The following CGNL1 variants were observed in gnomAD, a reference collection of about 807,000 sequenced individuals.
The protein encoded by CGNL1 is cingulin like 1, also known as cingulin-like protein 1.
A neutral mutation model predicts 141.2 loss-of-function variants in CGNL1; 132 were observed. The observed-to-expected ratio is 0.93, with a 90% CI of 0.81 to 1.08. CGNL1 has a LOEUF of 1.08. CGNL1 is among the 50% of genes least tolerant of loss of function. The pLI, the probability that CGNL1 is intolerant of heterozygous loss-of-function variation, is 0.00. For synonymous variants in CGNL1, 690 were observed against 622.1 expected (o/e 1.11, Z -1.63); for missense variants, 1,870 against 1,588.6 (o/e 1.18, Z -3.01).
chr15:57,387,582 T>G (rs1296600021), intron 1 of CGNL1, among the ~76,000 whole-genome samples: 1 of 152,204 alleles, frequency 6.6e-6, no homozygotes, highest in African/African-American at 2.4e-5. Context: ...TGAGTGGTGC[T>G]TCATTTCCCC....
intron 1 of CGNL1, among the ~76,000 whole-genome samples, chr15:57,432,191 G>A (rs1272728332): frequency 5.3e-5 from 8 of 152,204 alleles, no homozygotes; most frequent in Non-Finnish European, 1.2e-4. Context: ...CAGCATAAAG[G>A]TGAAGGTTTC....
chr15:57,479,210 C>T lies in CGNL1; in HGVS notation c.2403+17318C>T, dbSNP rs555733987. On this transcript the variant is annotated intron_variant, in intron 8 of 18. Coordinates refer to ENST00000281282, the MANE Select transcript of CGNL1 (RefSeq NM_032866.5). ...TACACGCTCTGTAAACATGCATGTACTTTTGGAGAAGGCAGTTGGACCAAG... is the reference window on the plus strand; with the variant it reads ...TACACGCTCTGTAAACATGCATGTATTTTTGGAGAAGGCAGTTGGACCAAG... Among the ~76,000 whole-genome samples, 333 of 152,192 alleles carry T rather than the reference C, an allele frequency of 2.2e-3. 1 individual carries two copies. Among genetic ancestry groups the T allele is most frequent in the African/African-American group, 7.7e-3 (320 of 41,516 alleles).
At chr15:57,400,857 T>G (rs2062652502) in intron 1 of CGNL1, among the ~76,000 whole-genome samples, 1 of 124,796 alleles carries the variant, frequency 8.0e-6, no homozygotes, top group Admixed American at 1.1e-4. Context: ...CACTCCAGCC[T>G]AGGCGACAGA....
intron 3 of CGNL1, among the ~76,000 whole-genome samples, chr15:57,440,912 G>A (rs2063178400): frequency 6.6e-6 from 1 of 152,054 alleles, no homozygotes; most frequent in South Asian, 2.1e-4. Context: ...TAAAGCATGT[G>A]TGAGTCATTT....
At chr15:57,535,162 G>A (rs192351706) in intron 14 of CGNL1, among the ~76,000 whole-genome samples, 20 of 152,302 alleles carry the variant, frequency 1.3e-4, no homozygotes, top group African/African-American at 4.6e-4. Flanking sequence ...GCAATTGACT[G>A]CAGAGCTGGG....
At chr15:57,499,264 G>A (rs1042877686) in intron 8 of CGNL1, among the ~76,000 whole-genome samples, 1 of 99,574 alleles carries the variant, frequency 1.0e-5, no homozygotes, top group Non-Finnish European at 1.9e-5. Flanking sequence ...TTTTTTTTTG[G>A]AGACGGAGTC....
intron 1 of CGNL1, among the ~76,000 whole-genome samples, chr15:57,383,488 T>C (rs1276320625): frequency 6.6e-6 from 1 of 151,906 alleles, no homozygotes; most frequent in Non-Finnish European, 1.5e-5. Flanking sequence ...TTAGTAGAGA[T>C]GGGGTTTCAC....
intron 8 of CGNL1, among the ~76,000 whole-genome samples, chr15:57,474,196 C>A (rs1163104918): frequency 6.6e-6 from 1 of 152,078 alleles, no homozygotes; most frequent in Admixed American, 6.5e-5. Flanking sequence ...CAGGTGTAAG[C>A]CACCGTGCCC....
intron 8 of CGNL1, among the ~76,000 whole-genome samples, chr15:57,510,034 G>A (rs1444802765): frequency 3.3e-5 from 5 of 152,178 alleles, no homozygotes; most frequent in African/African-American, 1.2e-4. Flanking sequence ...CGCCCTGGAA[G>A]GACTATTAGA....
Position 57,439,163 on chromosome 15 carries a change from C to T in CGNL1, c.1164C>T (p.Ser388=). Residue 388 remains serine, a synonymous_variant, in exon 2 of 19, where the codon AGC becomes AGT. Coordinates refer to ENST00000281282, the MANE Select transcript of CGNL1 (RefSeq NM_032866.5). ...CAGATGACAGGAAAAGATCCAGAAG[C>T]GTGGATAGCGCCTTTCCTTTTGGCC... ...INTDDRKRSR[S]VDSAFPFGLQ... The T allele has an allele frequency of 1.2e-6, 2 of 1,614,142 alleles. No homozygotes were observed. The highest frequency in any genetic ancestry group is 1.7e-6 in the Non-Finnish European group (2 of 1,180,008).
intron 4 of CGNL1, among the ~76,000 whole-genome samples, chr15:57,447,720 C>T (rs767394955): frequency 3.3e-5 from 5 of 151,974 alleles, no homozygotes; most frequent in Non-Finnish European, 5.9e-5. Context: ...CGGTCTCTCC[C>T]AGCTCTTCTC....
At chr15:57,473,874 ACTT>A (rs1270331869) in intron 8 of CGNL1, among the ~76,000 whole-genome samples, 12,810 of 108,906 alleles carry the variant, frequency 0.12, 1,189 homozygotes, top group East Asian at 0.2. Flanking sequence ...TGATTGAGTC[ACTT>A]CTTCTTCTTC....
In CGNL1 at chr15:57,438,613, T is replaced by G; in HGVS notation, c.614T>G (p.Leu205Trp). The G allele has an allele frequency of 6.2e-7, 1 of 1,613,966 alleles. No individual in the cohort carries two copies. The highest frequency in any genetic ancestry group is 1.3e-5 in the African/African-American group (1 of 75,036). Residue 205 changes from leucine to tryptophan, a missense_variant, in exon 2 of 19, where the codon TTG becomes TGG. Leu to Trp is a moderately conservative substitution (Grantham distance 61). Coordinates refer to ENST00000281282, the MANE Select transcript of CGNL1 (RefSeq NM_032866.5). ...PSNSQPTSPS[L>W]EDPAKSGVTA... ...AATTCCCAGCCTACCAGTCCCTCCT[T>G]GGAAGACCCGGCCAAATCTGGTGTG...
intron 1 of CGNL1, among the ~76,000 whole-genome samples, chr15:57,407,699 C>T (rs2062739052): frequency 1.3e-5 from 2 of 150,038 alleles, no homozygotes; most frequent in African/African-American, 4.9e-5. Flanking sequence ...GGTGGTGGGG[C>T]TTGACAATTT....
intron 8 of CGNL1, among the ~76,000 whole-genome samples, chr15:57,494,786 T>G (rs2063913608): frequency 6.6e-6 from 1 of 152,212 alleles, no homozygotes; most frequent in African/African-American, 2.4e-5. Context: ...TCCAGCAGAT[T>G]TTGGCCAAGG....
intron 1 of CGNL1, among the ~76,000 whole-genome samples, chr15:57,391,870 C>T (rs2062546471): frequency 6.6e-6 from 1 of 151,938 alleles, no homozygotes; most frequent in Non-Finnish European, 1.5e-5. Flanking sequence ...AGAGTGATGT[C>T]CACAGGCAGG....
chr15:57,481,425 T>A (rs368078792), intron 8 of CGNL1, among the ~76,000 whole-genome samples: 1 of 152,214 alleles, frequency 6.6e-6, no homozygotes, highest in African/African-American at 2.4e-5. Context: ...GGTATATAGA[T>A]GGAATCATAC....
chr15:57,539,823 G>A (rs1471301666), intron 14 of CGNL1, among the ~76,000 whole-genome samples: 3 of 152,182 alleles, frequency 2.0e-5, no homozygotes, highest in African/African-American at 4.8e-5. Flanking sequence ...TCCTTGGTGG[G>A]CTCACCTGTT....
intron 8 of CGNL1, among the ~76,000 whole-genome samples, chr15:57,482,780 C>T (rs1413198786): frequency 6.7e-6 from 1 of 150,042 alleles, no homozygotes; most frequent in Non-Finnish European, 1.5e-5. Flanking sequence ...CTTTTCTTTT[C>T]TTTTCTCTCT....
Sources: allele counts gnomAD v4.1 joint callset (sites outside exome capture counted in the v4.1 genomes callset), GRCh38; gene constraint gnomAD v4.1.1; transcripts MANE v1.5; gene names NCBI Gene and HGNC (gene_info 2026-07-23, HGNC 2026-07-21).